The following DNAH14 variants were observed in gnomAD, a reference collection of about 807,000 sequenced individuals.
DNAH14 encodes dynein axonemal heavy chain 14, also known as axonemal beta dynein heavy chain 14.
In DNAH14, 478 loss-of-function variants were observed where a neutral mutation model predicts 520.9. The ratio of observed to expected loss-of-function variants is 0.92; its 90% confidence interval spans 0.85 to 0.99. DNAH14 has a LOEUF of 0.99. Among genes scored for constraint, DNAH14 ranks in the 50% least tolerant of loss-of-function variants. DNAH14 has a pLI of 0.00. For missense variants in DNAH14, 4,831 were observed against 5,234.5 expected, an observed-to-expected ratio of 0.92 and a Z score of 2.38; for synonymous variants, 1,581 against 1,757.2, an observed-to-expected ratio of 0.90 and a Z score of 2.51.
At chr1:225,133,528 A>G (rs2148972150) in intron 27 of DNAH14, among the ~76,000 whole-genome samples, 1 of 152,302 alleles carries the variant, frequency 6.6e-6, no homozygotes, top group East Asian at 1.9e-4. Flanking sequence ...GGAAAATCAA[A>G]TGGCTGTAGG....
At position 225,002,776 on chromosome 1, in the gene DNAH14, C is replaced by CT; in HGVS notation, c.831-4dup. The CT allele has an allele frequency of 6.5e-7, 1 of 1,547,646 alleles. No individual in the cohort carries two copies. The highest frequency in any genetic ancestry group is 1.2e-5 in the South Asian group (1 of 83,524). On this transcript the variant is annotated splice_region_variant and splice_polypyrimidine_tract_variant and intron_variant, in intron 8 of 85. Transcript: ENST00000682510. ...AGATATATCTGTAGAAATTTTTTAA[C>CT]TTTCAGGTCATTTTTGTACCACCAT...
intron 36 of DNAH14, among the ~76,000 whole-genome samples, chr1:225,175,732 A>T: frequency 8.3e-6 from 1 of 120,198 alleles, no homozygotes; most frequent in Non-Finnish European, 1.6e-5. Context: ...GAGATGGAGT[A>T]TCACTCTGTC....
intron 41 of DNAH14, 26 bp from the exon 42 acceptor site, chr1:225,231,047 T>C: frequency 6.6e-7 from 1 of 1,519,290 alleles, no homozygotes; most frequent in Non-Finnish European, 8.9e-7. Context: ...TTGTTAATTA[T>C]GGAAAAATAC....
intron 55 of DNAH14, among the ~76,000 whole-genome samples, chr1:225,298,886 C>T (rs1488857864): frequency 6.6e-6 from 1 of 152,248 alleles, no homozygotes; most frequent in East Asian, 1.9e-4. Flanking sequence ...CTTCTGCTTA[C>T]CTTTTCTCCA....
At chr1:225,086,923 T>C (rs1248697164) in intron 21 of DNAH14, among the ~76,000 whole-genome samples, 1 of 151,788 alleles carries the variant, frequency 6.6e-6, no homozygotes, top group Non-Finnish European at 1.5e-5. Flanking sequence ...TTAAATGCCT[T>C]CATTAAAAAT....
At chr1:225,269,299 C>A (rs527794859) in intron 49 of DNAH14, among the ~76,000 whole-genome samples, 7 of 152,208 alleles carry the variant, frequency 4.6e-5, no homozygotes, top group Admixed American at 6.5e-5. Flanking sequence ...AAACTGGATC[C>A]CTTCCTTACA....
intron 15 of DNAH14, among the ~76,000 whole-genome samples, chr1:225,048,373 G>A (rs573505604): frequency 6.6e-6 from 1 of 152,140 alleles, no homozygotes; most frequent in African/African-American, 2.4e-5. Flanking sequence ...ATTGTGGCAC[G>A]CACCTGTAAT....
intron 8 of DNAH14, among the ~76,000 whole-genome samples, chr1:224,983,243 G>T (rs577293952): frequency 6.6e-6 from 1 of 152,112 alleles, no homozygotes. Flanking sequence ...TTTAAAGTTT[G>T]TTTTGTCTGA....
chr1:225,094,550 T>C (rs2074712833), intron 21 of DNAH14, among the ~76,000 whole-genome samples: 1 of 150,632 alleles, frequency 6.6e-6, no homozygotes. Context: ...GAAATACCAT[T>C]CTAGGGGCCA....
chr1:225,060,919 C>T (rs143636684), intron 17 of DNAH14, among the ~76,000 whole-genome samples: 8,837 of 57,946 alleles, frequency 0.15, 1,549 homozygotes, highest in Non-Finnish European at 0.33. Context: ...TGTCAGTCTG[C>T]CCCTACTGGG....
Position 224,968,874 on chromosome 1 carries a change from G to A in DNAH14, c.767G>A (p.Arg256Gln), listed in dbSNP as rs969958721. The A allele has an allele frequency of 3.7e-5, 57 of 1,529,988 alleles. No homozygotes were observed. The Middle Eastern group carries it at 6.7e-4, about 18-fold the overall frequency. The allele number at this position is 1,529,988 out of a possible 1,614,324, so 94.8% of individuals were successfully genotyped here. A position where few individuals can be genotyped will look rare whatever the true frequency, so the allele number is the denominator to read the frequency against. ...LRQFKIFSDF[R>Q]MNKAFVTWKL... ...CAATTCAAGATATTTTCTGATTTCC[G>A]GTGAGGTGAAAAAAATGAAACCAAT... The change falls in exon 7 of 86, where the codon CGA becomes CAA. Residue 256 changes from arginine (R) to glutamine (Q), a missense_variant and splice_region_variant. Coordinates refer to ENST00000682510, the MANE Select transcript of DNAH14 (RefSeq NM_001367479.1).
intron 1 of DNAH14, among the ~76,000 whole-genome samples, chr1:224,945,763 C>A (rs1345894420): frequency 6.6e-6 from 1 of 152,270 alleles, no homozygotes; most frequent in Non-Finnish European, 1.5e-5. Flanking sequence ...CACTCCAGAC[C>A]CTGTTTGCCT....
Position 225,144,590 on chromosome 1 carries a change from G to A in DNAH14, c.4702G>A (p.Gly1568Ser). The A allele has an allele frequency of 6.4e-7, 1 of 1,551,264 alleles. No homozygotes were observed. Among genetic ancestry groups the A allele is most frequent in the South Asian group, 1.2e-5 (1 of 84,028 alleles). ...NLGGCPAGPA[G>S]TGKTETVKDL... is the part of the protein sequence containing the mutation. ...AGGAGGCTGTCCTGCCGGTCCAGCTGGTACAGGAAAAACTGAGACTGTCAA... is the reference window on the plus strand; with the variant it reads ...AGGAGGCTGTCCTGCCGGTCCAGCTAGTACAGGAAAAACTGAGACTGTCAA... Residue 1568 changes from glycine (G) to serine (S), a missense_variant, in exon 29 of 86, where the codon GGT becomes AGT. By Grantham distance (56) the Gly-to-Ser change is moderately conservative. Transcript: ENST00000682510.
rs755719138 is a variant in DNAH14 at position 225,049,727 on chromosome 1, G to A, written c.1913-483G>A. On this transcript the variant is annotated intron_variant, in intron 15 of 85. Coordinates refer to ENST00000682510, the MANE Select transcript of DNAH14 (RefSeq NM_001367479.1). ...CTTGAGTTGAATTTTTTAATAAAGC[G>A]TAAAGTCTAGGTTGAGGTTTGTTTA... 8.5e-5 allele frequency among the ~76,000 whole-genome samples: 13 copies of A among 152,056 alleles called. No homozygotes were observed. The South Asian group carries it at 1.0e-3, about 12-fold the overall frequency.
intron 17 of DNAH14, among the ~76,000 whole-genome samples, chr1:225,066,904 G>A (rs1040860947): frequency 2.0e-5 from 3 of 152,000 alleles, no homozygotes; most frequent in Admixed American, 2.0e-4. Context: ...TTGGTTGATG[G>A]GCACTTAGAT....
At chr1:225,284,280 G>T (rs1249504218) in intron 54 of DNAH14, among the ~76,000 whole-genome samples, 2 of 151,558 alleles carry the variant, frequency 1.3e-5, no homozygotes, top group Admixed American at 6.6e-5. Context: ...ATGAAGAAAA[G>T]ACTCAAATTA....
intron 1 of DNAH14, among the ~76,000 whole-genome samples, chr1:224,940,314 G>C (rs1254715273): frequency 1.3e-5 from 2 of 152,110 alleles, no homozygotes; most frequent in African/African-American, 2.4e-5. Context: ...GTTGGTCAAA[G>C]GAGTTCACTA....
intron 29 of DNAH14, 77 bp from the exon 30 acceptor site, chr1:225,145,249 T>C: frequency 8.5e-7 from 1 of 1,182,290 alleles, no homozygotes; most frequent in Non-Finnish European, 1.2e-6. Context: ...TAAAGACATT[T>C]TATTACTCTA....
intron 41 of DNAH14, among the ~76,000 whole-genome samples, chr1:225,217,356 C>T (rs2089501660): frequency 6.6e-6 from 1 of 152,146 alleles, no homozygotes; most frequent in Non-Finnish European, 1.5e-5. Flanking sequence ...ATCAGGGACT[C>T]ACTTGAGGAG....
Sources: gnomAD v4.1 joint callset for allele counts (sites outside exome capture counted in the v4.1 genomes callset) on GRCh38, gnomAD v4.1.1 for gene constraint, MANE v1.5 for transcripts, NCBI Gene and HGNC (gene_info 2026-07-23, HGNC 2026-07-21) for gene names.